The following FKTN variants were observed in gnomAD, a reference collection of about 807,000 sequenced individuals.
FKTN encodes the protein fukutin.
Under a neutral mutation model 58.6 loss-of-function variants are expected in FKTN, and 47 were observed. The observed-to-expected ratio is 0.80, with a 90% confidence interval of 0.63 to 1.02. The LOEUF (loss-of-function observed/expected upper bound fraction) is 1.02. Ranked by LOEUF, FKTN falls within the 50% of genes least tolerant of loss-of-function variation. FKTN has a pLI of 0.00. For missense variants in FKTN, 516 were observed against 537.3 expected (o/e 0.96, Z 0.39); for synonymous variants, 178 against 191.9 (o/e 0.93, Z 0.60).
At chr9:105,629,833 C>A (rs1272445596) in intron 10 of FKTN, among the ~76,000 whole-genome samples, 1 of 152,068 alleles carries the variant, frequency 6.6e-6, no homozygotes, top group African/African-American at 2.4e-5. Flanking sequence ...GAAAATGTGG[C>A]ACATATACAC....
At chr9:105,597,982 GAGA>G (rs1827111545) in intron 4 of FKTN, 1 of 341,010 alleles carries the variant, frequency 2.9e-6, no homozygotes, top group African/African-American at 2.2e-5. Context: ...AGAGCAGTCA[GAGA>G]AAGTACAGGT....
At position 105,567,275 on chromosome 9, in the gene FKTN, A is replaced by G. The variant is rs532465603; in HGVS notation, c.-180-6380A>G. Among the ~76,000 whole-genome samples the G allele has an allele frequency of 8.5e-5, 13 of 152,278 alleles. No homozygotes were observed. The East Asian group carries it at 2.3e-3, about 27-fold the overall frequency. On this transcript the variant is annotated intron_variant, in intron 1 of 10. Transcript: ENST00000357998. ...CCCTCTCTCACCACTCCTATTCAGC[A>G]TGGTGTTGGAGGTTCTGGCCAGGGC...
intron 1 of FKTN, among the ~76,000 whole-genome samples, chr9:105,562,840 C>T (rs1838542542): frequency 1.3e-5 from 2 of 152,204 alleles, no homozygotes; most frequent in African/African-American, 4.8e-5. Flanking sequence ...CTATGCCTCA[C>T]TCTTACTCCC....
intron 3 of FKTN, among the ~76,000 whole-genome samples, chr9:105,595,624 C>T (rs181295789): frequency 1.3e-5 from 2 of 152,276 alleles, no homozygotes; most frequent in African/African-American, 4.8e-5. Flanking sequence ...TCTCTCCATC[C>T]CTTCCTCTCC....
At chr9:105,562,782 A>C (rs898670436) in intron 1 of FKTN, among the ~76,000 whole-genome samples, 2 of 152,222 alleles carry the variant, frequency 1.3e-5, no homozygotes, top group Non-Finnish European at 2.9e-5. Flanking sequence ...GATTTCTCTT[A>C]GCTGTCATAA....
In FKTN at chr9:105,636,454, A is replaced by G. The variant is rs2133462814; in HGVS notation, c.*1190A>G. 1.0e-6 allele frequency: 1 copy of G among 989,442 alleles called. No individual in the cohort carries two copies. The allele number at this position is 989,442 out of a possible 1,614,324, so 61.3% of individuals were successfully genotyped here. A position where few individuals can be genotyped will look rare whatever the true frequency, so the allele number is the denominator to read the frequency against. ...AGTTTGTGTCCCTCCCCAGTTTTTC[A>G]GTCTGTTGAATGTCGATGGGGCAAG... On this transcript the variant is annotated 3_prime_UTR_variant, in exon 11 of 11. Transcript: ENST00000357998.
At chr9:105,565,102 A>G (rs78041846) in intron 1 of FKTN, among the ~76,000 whole-genome samples, 1 of 152,220 alleles carries the variant, frequency 6.6e-6, no homozygotes, top group Admixed American at 6.5e-5. Flanking sequence ...AAATGCTGAG[A>G]GATTTTGTCA....
chr9:105,620,084 T>A, intron 10 of FKTN, 23 bp downstream of exon 10: 1 of 1,589,180 alleles, frequency 6.3e-7, no homozygotes, highest in Non-Finnish European at 8.6e-7. Context: ...TAAGTACTTA[T>A]TTATAAAGGT....
intron 10 of FKTN, among the ~76,000 whole-genome samples, chr9:105,625,623 T>G (rs1832653915): frequency 6.6e-6 from 1 of 152,094 alleles, no homozygotes; most frequent in Admixed American, 6.6e-5. Context: ...TAAAAGAACT[T>G]AGCACCATGC....
chr9:105,562,702 T>C (rs1038474196), intron 1 of FKTN, among the ~76,000 whole-genome samples: 6 of 152,208 alleles, frequency 3.9e-5, no homozygotes, highest in African/African-American at 1.4e-4. Flanking sequence ...CTTTCAAAGT[T>C]AGCTTGGCCT....
chr9:105,619,830 G>T, intron 9 of FKTN, 104 bp from the exon 10 acceptor site: 2 of 1,107,994 alleles, frequency 1.8e-6, no homozygotes, highest in Non-Finnish European at 2.6e-6. Context: ...CTCTATGTAT[G>T]TAAAACTTAA....
chr9:105,583,481 A>G (rs1407533288), intron 3 of FKTN, among the ~76,000 whole-genome samples: 2 of 152,174 alleles, frequency 1.3e-5, no homozygotes, highest in Non-Finnish European at 2.9e-5. Flanking sequence ...GGGGTTAAAC[A>G]TCTTTCCATA....
intron 10 of FKTN, among the ~76,000 whole-genome samples, chr9:105,621,392 G>A (rs540091285): frequency 6.6e-6 from 1 of 152,222 alleles, no homozygotes; most frequent in South Asian, 2.1e-4. Flanking sequence ...ATTCCTTGGG[G>A]ATGAAGAAAA....
At chr9:105,585,005 ATAATT>A (rs1843658417) in intron 3 of FKTN, among the ~76,000 whole-genome samples, 1 of 152,170 alleles carries the variant, frequency 6.6e-6, no homozygotes, top group Admixed American at 6.5e-5. Flanking sequence ...CCCAATATTT[ATAATT>A]TAATTTGGGA....
In FKTN at chr9:105,635,133, A is replaced by G. The variant is rs2133451721; in HGVS notation, c.1255A>G (p.Ile419Val). Residue 419 changes from isoleucine (I) to valine (V), a missense_variant, in exon 11 of 11, where the codon ATT (isoleucine) becomes GTT (valine). Coordinates refer to ENST00000357998, the MANE Select transcript of FKTN (RefSeq NM_001079802.2). The part of the protein sequence containing the change: ...VHVPCETLEY[I>V]EANYGKTWKI... The stretch of plus-strand genomic sequence containing the variant: ...TGTACCCTGTGAAACCCTCGAATAC[A>G]TTGAAGCCAACTATGGTAAGACCTG... 6.2e-7 allele frequency: 1 copy of G among 1,614,188 alleles called. No homozygotes were observed. The highest frequency in any genetic ancestry group is 2.2e-5 in the East Asian group (1 of 44,882).
At chr9:105,619,600 C>A (rs1231152945) in intron 9 of FKTN, among the ~76,000 whole-genome samples, 1 of 151,886 alleles carries the variant, frequency 6.6e-6, no homozygotes, top group Non-Finnish European at 1.5e-5. Flanking sequence ...AATAATATTT[C>A]TTTGGTTCTT....
intron 9 of FKTN, among the ~76,000 whole-genome samples, chr9:105,618,796 G>A (rs868263489): frequency 7.2e-5 from 11 of 152,154 alleles, no homozygotes; most frequent in Non-Finnish European, 1.0e-4. Context: ...TCGGCTGGGC[G>A]CGGTGGCTCA....
intron 10 of FKTN, among the ~76,000 whole-genome samples, chr9:105,631,178 A>G (rs1833391606): frequency 6.6e-6 from 1 of 152,152 alleles, no homozygotes; most frequent in Non-Finnish European, 1.5e-5. Context: ...TAATAAAGAG[A>G]ATATAACAAA....
intron 10 of FKTN, among the ~76,000 whole-genome samples, chr9:105,622,189 A>T (rs1832084715): frequency 6.6e-6 from 1 of 152,094 alleles, no homozygotes; most frequent in African/African-American, 2.4e-5. Context: ...TTGGGAGCAC[A>T]TTAGAATTAC....
Sources: gnomAD v4.1 joint callset for allele counts (sites outside exome capture counted in the v4.1 genomes callset) on GRCh38, gnomAD v4.1.1 for gene constraint, MANE v1.5 for transcripts, NCBI Gene and HGNC (gene_info 2026-07-23, HGNC 2026-07-21) for gene names.